CNTNAP2: variants seen among roughly 807,000 people sequenced by gnomAD.
The protein encoded by CNTNAP2 is contactin-associated protein-like 2.
A neutral mutation model predicts 155.2 loss-of-function variants in CNTNAP2; 98 were observed. That is an observed-to-expected ratio of 0.63 (90% CI 0.54 to 0.75). CNTNAP2 has a LOEUF of 0.75. Ranked by LOEUF, CNTNAP2 falls within the 30% of genes least tolerant of loss-of-function variation. The pLI is 0.00. For missense variants in CNTNAP2, 1,727 were observed against 1,688.1 expected (o/e 1.02, Z -0.40); for synonymous variants, 651 against 631.2 (o/e 1.03, Z -0.47).
At chr7:146,595,095 G>T (rs1177006659) in intron 1 of CNTNAP2, among the ~76,000 whole-genome samples, 1 of 152,038 alleles carries the variant, frequency 6.6e-6, no homozygotes, top group East Asian at 1.9e-4. Flanking sequence ...CTCAACCACT[G>T]TGTGGGTTGG....
At chr7:147,283,110 C>T (rs1805081487) in intron 8 of CNTNAP2, among the ~76,000 whole-genome samples, 1 of 151,750 alleles carries the variant, frequency 6.6e-6, no homozygotes, top group South Asian at 2.1e-4. Flanking sequence ...TATTAATATC[C>T]TACAACTATA....
At chr7:147,578,475 C>T (rs1273805915) in intron 12 of CNTNAP2, among the ~76,000 whole-genome samples, 1 of 152,000 alleles carries the variant, frequency 6.6e-6, no homozygotes, top group African/African-American at 2.4e-5. Context: ...ACATTGATTG[C>T]TCTCCCATTA....
intron 12 of CNTNAP2, among the ~76,000 whole-genome samples, chr7:147,567,891 GC>G (rs1212881039): frequency 6.6e-6 from 1 of 152,106 alleles, no homozygotes; most frequent in Non-Finnish European, 1.5e-5. Flanking sequence ...TTGGAGACCA[GC>G]CTGACCAACA....
intron 1 of CNTNAP2, among the ~76,000 whole-genome samples, chr7:146,612,940 T>C (rs972341588): frequency 5.9e-5 from 9 of 152,026 alleles, no homozygotes; most frequent in Non-Finnish European, 4.4e-5. Flanking sequence ...TCTTTTTTTT[T>C]TTTTTTTGCC....
At chr7:148,315,211 T>C (rs1442645036) in intron 21 of CNTNAP2, among the ~76,000 whole-genome samples, 1 of 152,164 alleles carries the variant, frequency 6.6e-6, no homozygotes, top group Non-Finnish European at 1.5e-5. Context: ...AAATTTCACT[T>C]GCGTCCATGT....
At chr7:146,414,746 C>T (rs1795912975) in intron 1 of CNTNAP2, among the ~76,000 whole-genome samples, 2 of 152,146 alleles carry the variant, frequency 1.3e-5, no homozygotes, top group Non-Finnish European at 2.9e-5. Context: ...TTGCTTATGC[C>T]TGGTATGCAC....
At chr7:146,583,106 G>A (rs1439728992) in intron 1 of CNTNAP2, among the ~76,000 whole-genome samples, 1 of 151,932 alleles carries the variant, frequency 6.6e-6, no homozygotes, top group Non-Finnish European at 1.5e-5. Flanking sequence ...CCATAGTGTG[G>A]GAGCCGACAG....
At chr7:147,859,229 G>A (rs999674426) in intron 13 of CNTNAP2, among the ~76,000 whole-genome samples, 1 of 152,028 alleles carries the variant, frequency 6.6e-6, no homozygotes, top group South Asian at 2.1e-4. Context: ...GGGATCGACA[G>A]CATCTCAATG....
intron 18 of CNTNAP2, among the ~76,000 whole-genome samples, chr7:148,195,875 T>C (rs1323038370): frequency 6.6e-6 from 1 of 151,896 alleles, no homozygotes; most frequent in East Asian, 1.9e-4. Flanking sequence ...TGAACCACAA[T>C]AAAGACCGTG....
intron 5 of CNTNAP2, among the ~76,000 whole-genome samples, chr7:147,108,756 C>T (rs751295318): frequency 8.5e-5 from 13 of 152,220 alleles, no homozygotes; most frequent in East Asian, 1.9e-4. Flanking sequence ...TAGGTTAATA[C>T]GTCCTGTTCA....
chr7:147,853,335 A>G (rs1584991853), intron 13 of CNTNAP2, among the ~76,000 whole-genome samples: 1 of 152,340 alleles, frequency 6.6e-6, no homozygotes, highest in African/African-American at 2.4e-5. Context: ...ACTGTTACGA[A>G]GGAAATGTCT....
intron 8 of CNTNAP2, among the ~76,000 whole-genome samples, chr7:147,147,194 CA>C (rs1801723970): frequency 6.6e-6 from 1 of 152,094 alleles, no homozygotes; most frequent in African/African-American, 2.4e-5. Context: ...ATAAAACCAT[CA>C]TATCTCATGA....
rs140452991 is a variant in CNTNAP2, at chr7:146,464,309, C to T, written c.98-309962C>T. ...GCAGATTTATTGTCTTTCCTCCTCC[C>T]TATCAGAATATTTAATAAGGGTGTG... On this transcript the variant is annotated intron_variant, in intron 1 of 23. Coordinates refer to ENST00000361727, the MANE Select transcript of CNTNAP2 (RefSeq NM_014141.6). Among the ~76,000 whole-genome samples the T allele has an allele frequency of 6.1e-3, 929 of 151,392 alleles. 31 individuals are homozygous for T. Among genetic ancestry groups the T allele is most frequent in the Non-Finnish European group, 3.2e-3 (216 of 67,876 alleles).
chr7:147,243,963 C>A (rs1803998543), intron 8 of CNTNAP2, among the ~76,000 whole-genome samples: 1 of 152,128 alleles, frequency 6.6e-6, no homozygotes, highest in African/African-American at 2.4e-5. Flanking sequence ...AAGACATAGA[C>A]AGTTTTGCTT....
chr7:147,791,814 G>A (rs753410797), intron 13 of CNTNAP2, among the ~76,000 whole-genome samples: 6 of 152,106 alleles, frequency 3.9e-5, no homozygotes, highest in Non-Finnish European at 5.9e-5. Flanking sequence ...AGGAACATGC[G>A]CCATACACAT....
chr7:146,657,827 A>G (rs191619472), intron 1 of CNTNAP2, among the ~76,000 whole-genome samples: 33 of 152,270 alleles, frequency 2.2e-4, no homozygotes, highest in African/African-American at 7.5e-4. Flanking sequence ...TTAGAATGCA[A>G]AATAGCTAGG....
At chr7:147,872,378 G>A (rs757318686) in intron 13 of CNTNAP2, among the ~76,000 whole-genome samples, 2 of 152,180 alleles carry the variant, frequency 1.3e-5, no homozygotes, top group Admixed American at 6.5e-5. Context: ...GAATAGGAGA[G>A]TAAATATTAT....
chr7:147,570,205 T>C (rs1283390346), intron 12 of CNTNAP2, among the ~76,000 whole-genome samples: 1 of 152,142 alleles, frequency 6.6e-6, no homozygotes, highest in East Asian at 1.9e-4. Flanking sequence ...CCCGGTCCCA[T>C]TAGTGACACC....
intron 1 of CNTNAP2, among the ~76,000 whole-genome samples, chr7:146,674,512 TAAAAA>T (rs61430734): frequency 6.7e-6 from 1 of 150,028 alleles, no homozygotes; most frequent in African/African-American, 2.5e-5. Context: ...AAAAAAAAAT[TAAAAA>T]AAAAAGCATT....
Sources: allele counts gnomAD v4.1 joint callset (sites outside exome capture counted in the v4.1 genomes callset), GRCh38; gene constraint gnomAD v4.1.1; transcripts MANE v1.5; gene names NCBI Gene and HGNC (gene_info 2026-07-23, HGNC 2026-07-21).